The following ATRNL1 variants were observed in gnomAD, a reference collection of about 807,000 sequenced individuals.
The protein encoded by ATRNL1 is attractin like 1.
Under a neutral mutation model 182.7 loss-of-function variants are expected in ATRNL1, and 95 were observed. That is an observed-to-expected ratio of 0.52 (90% CI 0.44 to 0.62). ATRNL1 has a LOEUF of 0.62. ATRNL1 is among the 20% of genes least tolerant of loss of function. The pLI, the probability that ATRNL1 is intolerant of heterozygous loss-of-function variation, is 0.00. For missense variants in ATRNL1, 1,471 were observed against 1,679.5 expected (o/e 0.88, Z 2.17); for synonymous variants, 576 against 568.3 (o/e 1.01, Z -0.19).
chr10:115,649,444 GA>G (rs1328092782), intron 26 of ATRNL1, among the ~76,000 whole-genome samples: 15 of 152,054 alleles, frequency 9.9e-5, no homozygotes, highest in African/African-American at 3.6e-4. Flanking sequence ...GATTGTTGAA[GA>G]AAAATATGTG....
intron 26 of ATRNL1, among the ~76,000 whole-genome samples, chr10:115,603,186 G>T (rs1302003986): frequency 6.6e-6 from 1 of 151,890 alleles, no homozygotes; most frequent in Non-Finnish European, 1.5e-5. Flanking sequence ...CTCCAGCCCT[G>T]TTCCCCTCCC....
intron 28 of ATRNL1, among the ~76,000 whole-genome samples, chr10:115,882,408 A>G (rs546886362): frequency 8.5e-5 from 13 of 152,328 alleles, no homozygotes; most frequent in African/African-American, 2.6e-4. Flanking sequence ...TCTGACACCC[A>G]CATTGTACTT....
chr10:115,727,655 G>A (rs2134061137), intron 27 of ATRNL1, among the ~76,000 whole-genome samples: 1 of 152,266 alleles, frequency 6.6e-6, no homozygotes, highest in East Asian at 1.9e-4. Flanking sequence ...AAGAAACAAA[G>A]CGCCTATATT....
chr10:115,114,684 A>C lies in ATRNL1; in HGVS notation c.294-5501A>C, dbSNP rs145278018. 3.8e-3 allele frequency among the ~76,000 whole-genome samples: 580 copies of C among 152,284 alleles called. 4 individuals carry two copies. Among genetic ancestry groups the C allele is most frequent in the African/African-American group, 0.013 (546 of 41,560 alleles). ...TCAGGGAAATGCAGATCAAAACCACAATGGGATGTCATCTCATACCTCTTA... is the reference window on the plus strand; with the variant it reads ...TCAGGGAAATGCAGATCAAAACCACCATGGGATGTCATCTCATACCTCTTA... On this transcript the variant is annotated intron_variant, in intron 1 of 28. Transcript: ENST00000355044.
At chr10:115,888,405 G>T (rs1952002407) in intron 28 of ATRNL1, among the ~76,000 whole-genome samples, 1 of 152,240 alleles carries the variant, frequency 6.6e-6, no homozygotes, top group African/African-American at 2.4e-5. Flanking sequence ...GACCACATCT[G>T]TTTTTTCAGG....
chr10:115,450,185 G>C (rs1458563388), intron 21 of ATRNL1, among the ~76,000 whole-genome samples: 1 of 152,142 alleles, frequency 6.6e-6, no homozygotes, highest in Non-Finnish European at 1.5e-5. Flanking sequence ...ATACTGAACA[G>C]ACAATACCTG....
chr10:115,787,772 C>T, intron 27 of ATRNL1, among the ~76,000 whole-genome samples: 1 of 152,072 alleles, frequency 6.6e-6, no homozygotes, highest in South Asian at 2.1e-4. Flanking sequence ...GGTAAAAGGA[C>T]CTTTGCACAT....
chr10:115,718,435 A>T (rs1416313041), intron 26 of ATRNL1, among the ~76,000 whole-genome samples: 1 of 152,182 alleles, frequency 6.6e-6, no homozygotes, highest in Non-Finnish European at 1.5e-5. Flanking sequence ...AGTTGTCAAT[A>T]AGCATTCATT....
chr10:115,328,011 C>T (rs1291635110), intron 18 of ATRNL1, among the ~76,000 whole-genome samples: 1 of 151,826 alleles, frequency 6.6e-6, no homozygotes, highest in Non-Finnish European at 1.5e-5. Flanking sequence ...GGGTGCAGCG[C>T]ACCAGCATGG....
intron 10 of ATRNL1, among the ~76,000 whole-genome samples, chr10:115,254,961 T>C (rs563310197): frequency 6.6e-4 from 100 of 152,328 alleles, no homozygotes; most frequent in Middle Eastern, 3.4e-3. Flanking sequence ...TGTAGTATTA[T>C]TTCTGAGGGC....
intron 21 of ATRNL1, among the ~76,000 whole-genome samples, chr10:115,454,955 G>A (rs1392687693): frequency 1.3e-5 from 2 of 152,066 alleles, no homozygotes; most frequent in African/African-American, 4.8e-5. Context: ...TGGTGAGAGT[G>A]GACATCCCTT....
chr10:115,669,459 C>T (rs1014244164), intron 26 of ATRNL1, among the ~76,000 whole-genome samples: 1 of 152,028 alleles, frequency 6.6e-6, no homozygotes. Context: ...AAGGTAAATG[C>T]CAACTTTGCA....
chr10:115,598,509 A>G (rs1473888867), intron 26 of ATRNL1, among the ~76,000 whole-genome samples: 2 of 151,596 alleles, frequency 1.3e-5, no homozygotes, highest in African/African-American at 4.8e-5. Flanking sequence ...GACTACAGGC[A>G]CACACCACCA....
Position 115,315,543 on chromosome 10 carries a change from C to T in ATRNL1, c.2844C>T (p.Thr948=). 1 of 1,613,254 alleles carries T rather than the reference C, an allele frequency of 6.2e-7. No individual in the cohort carries two copies. The highest frequency in any genetic ancestry group is 8.5e-7 in the Non-Finnish European group (1 of 1,179,508). The part of the protein sequence containing the change: ...CSPQNCSGLR[T]CGQCLEQPGC... ...CTCAAAATTGTTCTGGATTGAGAACCTGTGGACAGTGTTTGGAACAGCCTG... is the reference window on the plus strand; with the variant it reads ...CTCAAAATTGTTCTGGATTGAGAACTTGTGGACAGTGTTTGGAACAGCCTG... The change falls in exon 18 of 29, where the codon ACC becomes ACT. Residue 948 remains threonine (T), a synonymous_variant. Transcript: ENST00000355044.
intron 24 of ATRNL1, among the ~76,000 whole-genome samples, chr10:115,511,175 T>G (rs1554982596): frequency 6.6e-6 from 1 of 151,992 alleles, no homozygotes; most frequent in Non-Finnish European, 1.5e-5. Flanking sequence ...TTTAAAAATA[T>G]TACCTTGTCT....
chr10:115,536,322 C>T (rs919318718), intron 25 of ATRNL1, among the ~76,000 whole-genome samples: 1 of 152,174 alleles, frequency 6.6e-6, no homozygotes, highest in African/African-American at 2.4e-5. Context: ...ATGGCGGGCG[C>T]CCCTCCCCCA....
intron 27 of ATRNL1, among the ~76,000 whole-genome samples, chr10:115,781,082 T>C (rs1949254159): frequency 6.6e-6 from 1 of 152,172 alleles, no homozygotes; most frequent in Non-Finnish European, 1.5e-5. Context: ...TCTGCAAATG[T>C]CCAACAAGCA....
intron 27 of ATRNL1, among the ~76,000 whole-genome samples, chr10:115,793,654 A>G (rs954314258): frequency 2.0e-5 from 3 of 152,150 alleles, no homozygotes; most frequent in African/African-American, 7.2e-5. Flanking sequence ...TGTAATACCA[A>G]TTAGTTGGCA....
At chr10:115,355,934 G>GA (rs1856484996) in intron 19 of ATRNL1, among the ~76,000 whole-genome samples, 1 of 151,342 alleles carries the variant, frequency 6.6e-6, no homozygotes, top group Non-Finnish European at 1.5e-5. Flanking sequence ...CAGTTTTGGG[G>GA]AAAAAAGAGT....
Sources: allele counts gnomAD v4.1 joint callset (sites outside exome capture counted in the v4.1 genomes callset), GRCh38; gene constraint gnomAD v4.1.1; transcripts MANE v1.5; gene names NCBI Gene and HGNC (gene_info 2026-07-23, HGNC 2026-07-21).